Variants in PTPRD observed in about 807,000 individuals in gnomAD.
PTPRD encodes the protein receptor-type tyrosine-protein phosphatase delta.
Under a neutral mutation model 214.5 loss-of-function variants are expected in PTPRD, and 34 were observed. The observed-to-expected ratio is 0.16, with a 90% CI of 0.12 to 0.21. The LOEUF (loss-of-function observed/expected upper bound fraction) is 0.21. Among genes scored for constraint, PTPRD ranks in the 10% least tolerant of loss-of-function variants. The pLI is 1.00. For synonymous variants in PTPRD, 1,128 were observed against 845.7 expected (o/e 1.33, Z -5.79); for missense variants, 2,545 against 2,398.7 (o/e 1.06, Z -1.27).
At chr9:8,435,695 C>G (rs1270584960) in intron 35 of PTPRD, among the ~76,000 whole-genome samples, 3 of 118,192 alleles carry the variant, frequency 2.5e-5, no homozygotes, top group African/African-American at 6.4e-5. Flanking sequence ...ACCACAATAT[C>G]CAAATACACA....
intron 4 of PTPRD, among the ~76,000 whole-genome samples, chr9:9,957,019 A>G (rs569293964): frequency 4.6e-5 from 7 of 152,334 alleles, no homozygotes; most frequent in African/African-American, 1.7e-4. Context: ...GGCTCAAGTT[A>G]AGTTGAAATT....
Position 9,475,544 on chromosome 9 carries a change from C to G in PTPRD, c.-236-78062G>C, listed in dbSNP as rs973811204. ...TTATGTCACTGATCCATGGATCAAT[C>G]AATGTCATCAGGACTCAAAACTCTC... On this transcript the variant is annotated intron_variant, in intron 8 of 45. Transcript: ENST00000381196. 3.9e-5 allele frequency among the ~76,000 whole-genome samples: 6 copies of G among 152,156 alleles called. No homozygotes were observed. The South Asian group carries it at 8.3e-4, about 21-fold the overall frequency.
intron 33 of PTPRD, chr9:8,454,690 T>G (rs187106701): frequency 2.2e-6 from 3 of 1,360,884 alleles, no homozygotes; most frequent in Admixed American, 3.7e-5. Flanking sequence ...ATTTAAGAAA[T>G]AGTGTTCACA....
intron 9 of PTPRD, among the ~76,000 whole-genome samples, chr9:9,384,682 GT>G (rs1259289429): frequency 6.6e-6 from 1 of 151,780 alleles, no homozygotes; most frequent in African/African-American, 2.4e-5. Flanking sequence ...GTTGTTGGTT[GT>G]TTGCCAATAC....
intron 6 of PTPRD, among the ~76,000 whole-genome samples, chr9:9,753,368 G>C (rs192520560): frequency 6.6e-6 from 1 of 152,046 alleles, no homozygotes; most frequent in East Asian, 1.9e-4. Context: ...AGCTGGACCC[G>C]CCAGAGCTGG....
intron 10 of PTPRD, among the ~76,000 whole-genome samples, chr9:9,039,144 G>C (rs1249689452): frequency 3.3e-5 from 5 of 152,098 alleles, no homozygotes; most frequent in African/African-American, 1.2e-4. Flanking sequence ...GCTATACAAA[G>C]CTATACCTTA....
At chr9:8,472,320 C>T (rs1423214386) in intron 30 of PTPRD, among the ~76,000 whole-genome samples, 1 of 152,116 alleles carries the variant, frequency 6.6e-6, no homozygotes, top group Admixed American at 6.5e-5. Flanking sequence ...AAGAGGAGGC[C>T]ACCACACAGG....
At chr9:8,609,808 C>G (rs1165193568) in intron 14 of PTPRD, among the ~76,000 whole-genome samples, 5 of 152,280 alleles carry the variant, frequency 3.3e-5, no homozygotes, top group African/African-American at 1.2e-4. Flanking sequence ...GAGGTTTTCC[C>G]TTAATCATTT....
intron 5 of PTPRD, among the ~76,000 whole-genome samples, chr9:9,792,770 T>C (rs2098976509): frequency 6.6e-6 from 1 of 152,140 alleles, no homozygotes; most frequent in Non-Finnish European, 1.5e-5. Flanking sequence ...CTCAACTGTT[T>C]ATTAAGAGCA....
Position 8,538,719 on chromosome 9 carries a change from C to A in PTPRD, c.353-9940G>T, listed in dbSNP as rs936959288. On this transcript the variant is annotated intron_variant, in intron 14 of 45. Coordinates refer to ENST00000381196, the MANE Select transcript of PTPRD (RefSeq NM_002839.4). ...TTGTAAATGAGTATGCATGCACAAA[C>A]ATACATTCTTTATATAAACTTAGCA... Among the ~76,000 whole-genome samples, 8 of 151,604 alleles carry A rather than the reference C, an allele frequency of 5.3e-5. No individual in the cohort carries two copies. The East Asian group carries it at 1.2e-3, about 22-fold the overall frequency.
chr9:9,675,267 C>G (rs537134764), intron 7 of PTPRD, among the ~76,000 whole-genome samples: 1 of 151,706 alleles, frequency 6.6e-6, no homozygotes, highest in Non-Finnish European at 1.5e-5. Flanking sequence ...GTATCAAAAT[C>G]TGTAGATGCA....
intron 3 of PTPRD, among the ~76,000 whole-genome samples, chr9:10,321,986 T>C (rs545478124): frequency 1.0e-3 from 152 of 152,164 alleles, no homozygotes; most frequent in African/African-American, 3.4e-3. Flanking sequence ...TTAAATATAA[T>C]GGCAGAAATG....
chr9:8,836,742 G>A (rs7035355), intron 11 of PTPRD, among the ~76,000 whole-genome samples: 107,663 of 150,650 alleles, frequency 0.71, 38,513 homozygotes, highest in Middle Eastern at 0.76. Context: ...GACTACAAGC[G>A]CATGCCACCA....
At chr9:9,815,025 G>C (rs932949576) in intron 5 of PTPRD, among the ~76,000 whole-genome samples, 2 of 151,802 alleles carry the variant, frequency 1.3e-5, no homozygotes, top group African/African-American at 4.8e-5. Flanking sequence ...GCCTCCCAAA[G>C]TGTTCGTAAA....
intron 10 of PTPRD, among the ~76,000 whole-genome samples, chr9:9,072,661 C>G (rs1591064583): frequency 6.6e-6 from 1 of 152,156 alleles, no homozygotes; most frequent in Non-Finnish European, 1.5e-5. Flanking sequence ...ACTGAGTCTT[C>G]ATTAGAGTCC....
At chr9:9,177,143 G>C (rs888310900) in intron 10 of PTPRD, among the ~76,000 whole-genome samples, 1 of 152,072 alleles carries the variant, frequency 6.6e-6, no homozygotes, top group Admixed American at 6.6e-5. Flanking sequence ...ATGGTGGAAG[G>C]TGAAGGGGAA....
intron 23 of PTPRD, 96 bp from the exon 24 acceptor site, chr9:8,501,155 A>T: frequency 2.3e-6 from 2 of 888,110 alleles, no homozygotes; most frequent in Non-Finnish European, 3.4e-6. Flanking sequence ...AAAAATAAAT[A>T]AACGAACAAT....
intron 39 of PTPRD, among the ~76,000 whole-genome samples, chr9:8,359,320 A>C (rs944862459): frequency 2.0e-5 from 3 of 151,262 alleles, no homozygotes; most frequent in Non-Finnish European, 4.4e-5. Context: ...AAGCAGTTTG[A>C]ATTTTATTAT....
intron 5 of PTPRD, among the ~76,000 whole-genome samples, chr9:9,790,494 T>G (rs1441775065): frequency 6.6e-6 from 1 of 152,192 alleles, no homozygotes; most frequent in Non-Finnish European, 1.5e-5. Flanking sequence ...TCTGCCTGAT[T>G]TCAGTGGCTT....
Sources: allele counts gnomAD v4.1 joint callset (sites outside exome capture counted in the v4.1 genomes callset), GRCh38; gene constraint gnomAD v4.1.1; transcripts MANE v1.5; gene names NCBI Gene and HGNC (gene_info 2026-07-23, HGNC 2026-07-21).